The following ERMP1 variants were observed in gnomAD, a reference collection of about 807,000 sequenced individuals.
The protein encoded by ERMP1 is Felix-ina.
A neutral mutation model predicts 92.0 loss-of-function variants in ERMP1; 86 were observed. That is an observed-to-expected ratio of 0.93 (90% CI 0.79 to 1.12). The LOEUF (loss-of-function observed/expected upper bound fraction) is 1.12, where lower values mean the gene tolerates loss of function less well. Ranked by LOEUF, ERMP1 falls within the 50% of genes most tolerant of loss-of-function variation. ERMP1 has a pLI of 0.00. For missense variants in ERMP1, 1,342 were observed against 1,116.3 expected, an observed-to-expected ratio of 1.20 and a Z score of -2.88; for synonymous variants, 530 against 412.8, an observed-to-expected ratio of 1.28 and a Z score of -3.44.
intron 4 of ERMP1, among the ~76,000 whole-genome samples, chr9:5,820,878 C>T (rs7861988): frequency 0.59 from 90,246 of 152,028 alleles, 27,341 homozygotes; most frequent in Non-Finnish European, 0.64. Context: ...ACAAGAAGCG[C>T]AGTCTTTTGT....
chr9:5,796,736 T>G (rs914553519), intron 13 of ERMP1, among the ~76,000 whole-genome samples: 32 of 152,040 alleles, frequency 2.1e-4, no homozygotes, highest in African/African-American at 4.6e-4. Flanking sequence ...AAAAGAGAGA[T>G]AAATAGGTGA....
At chr9:5,833,140 A>G (rs1250340473), upstream of ERMP1, 24 of 986,132 alleles carry the variant, frequency 2.4e-5, no homozygotes, top group Non-Finnish European at 2.1e-5. Flanking sequence ...GAAACTGCAG[A>G]GGGCCAAACT....
intron 6 of ERMP1, among the ~76,000 whole-genome samples, chr9:5,855,182 G>C (rs1020296438): frequency 3.3e-5 from 5 of 152,090 alleles, no homozygotes; most frequent in African/African-American, 1.2e-4. Context: ...AAAATATATA[G>C]TCTAAAAAAA....
chr9:5,857,460 T>C (rs141465075), intron 6 of ERMP1, among the ~76,000 whole-genome samples: 1 of 152,344 alleles, frequency 6.6e-6, no homozygotes, highest in East Asian at 1.9e-4. Flanking sequence ...AAAAGTGCCA[T>C]GAAAATTGAT....
chr9:5,793,250 C>T (rs577646149), intron 13 of ERMP1, among the ~76,000 whole-genome samples: 1 of 150,616 alleles, frequency 6.6e-6, no homozygotes, highest in African/African-American at 2.4e-5. Context: ...CTGCAAACGA[C>T]AGGGCAGCCA....
chr9:5,825,084 A>T lies in ERMP1; in HGVS notation c.768+8T>A. The T allele has an allele frequency of 6.2e-7, 1 of 1,613,362 alleles. No homozygotes were observed. The highest frequency in any genetic ancestry group is 8.5e-7 in the Non-Finnish European group (1 of 1,179,406). On this transcript the variant is annotated splice_region_variant and intron_variant, in intron 3 of 14. Coordinates refer to ENST00000339450, the MANE Select transcript of ERMP1 (RefSeq NM_024896.3). ...TCAAGCCTGATATTTAAAACAGTAA[A>T]ATCTCACTTGCAAGACATTTTCCTC...
intron 10 of ERMP1, 69 bp downstream of exon 10, chr9:5,804,958 A>T (rs999899417): frequency 9.8e-6 from 12 of 1,225,556 alleles, no homozygotes; most frequent in Non-Finnish European, 1.4e-5. Context: ...TATTTCACAG[A>T]ATCTAGTATG....
At chr9:5,791,125 G>A (rs912563546) in intron 13 of ERMP1, 6 of 425,372 alleles carry the variant, frequency 1.4e-5, no homozygotes, top group South Asian at 5.0e-5. Flanking sequence ...CAGTTGAAGT[G>A]AACTTCCTAT....
intron 6 of ERMP1, among the ~76,000 whole-genome samples, chr9:5,841,692 G>T (rs375898426): frequency 6.6e-6 from 1 of 152,192 alleles, no homozygotes. Flanking sequence ...TCAGGAGGCT[G>T]AGGCACAAGA....
chr9:5,846,026 G>A (rs1830230187), intron 6 of ERMP1, among the ~76,000 whole-genome samples: 1 of 152,202 alleles, frequency 6.6e-6, no homozygotes, highest in Non-Finnish European at 1.5e-5. Context: ...GTGCTTAGGT[G>A]CTACCTGGGG....
chr9:5,863,089 T>A (rs1830551025), intron 5 of ERMP1, among the ~76,000 whole-genome samples: 1 of 152,200 alleles, frequency 6.6e-6, no homozygotes, highest in South Asian at 2.1e-4. Flanking sequence ...TAGTATCCAA[T>A]AATTACAGCA....
chr9:5,787,685 G>A (rs1828002188), intron 13 of ERMP1, 92 bp from the exon 14 acceptor site: 2 of 1,293,958 alleles, frequency 1.5e-6, no homozygotes, highest in South Asian at 1.4e-5. Context: ...AAAGGTTCAT[G>A]CCTGCATGAC....
At chr9:5,791,605 CTTT>C (rs978046844) in intron 13 of ERMP1, among the ~76,000 whole-genome samples, 3 of 150,430 alleles carry the variant, frequency 2.0e-5, no homozygotes, top group African/African-American at 7.5e-5. Flanking sequence ...GGTTTGCTCA[CTTT>C]TTAAAACACC....
At chr9:5,864,475 C>T (rs1412024234) in intron 5 of ERMP1, among the ~76,000 whole-genome samples, 2 of 152,198 alleles carry the variant, frequency 1.3e-5, no homozygotes, top group Non-Finnish European at 2.9e-5. Context: ...ATTAATAGCA[C>T]TTTTGTTGAG....
intron 2 of ERMP1, among the ~76,000 whole-genome samples, chr9:5,828,748 G>A (rs1248121257): frequency 6.6e-6 from 1 of 151,984 alleles, no homozygotes; most frequent in Non-Finnish European, 1.5e-5. Flanking sequence ...TTGTTACAGG[G>A]GTCCACTCAG....
chr9:5,845,323 G>C (rs560211208), intron 6 of ERMP1, among the ~76,000 whole-genome samples: 2 of 152,080 alleles, frequency 1.3e-5, no homozygotes, highest in African/African-American at 4.8e-5. Flanking sequence ...AGCTACTTGG[G>C]AGGCCAAGGC....
At chr9:5,862,243 G>A (rs888797129) in intron 5 of ERMP1, among the ~76,000 whole-genome samples, 1 of 151,040 alleles carries the variant, frequency 6.6e-6, no homozygotes, top group South Asian at 2.1e-4. Flanking sequence ...TGTTGTCCAG[G>A]CTGGTCTTGA....
intron 4 of ERMP1, among the ~76,000 whole-genome samples, chr9:5,814,353 G>A (rs966718895): frequency 6.6e-6 from 1 of 152,086 alleles, no homozygotes; most frequent in Non-Finnish European, 1.5e-5. Flanking sequence ...GCAACATATT[G>A]ACTGATGTAA....
intron 6 of ERMP1, among the ~76,000 whole-genome samples, chr9:5,841,047 C>T (rs1189452778): frequency 2.0e-5 from 3 of 152,220 alleles, no homozygotes; most frequent in Non-Finnish European, 4.4e-5. Context: ...TCTGCTCTCC[C>T]TACCCGTAGG....
Sources: allele counts gnomAD v4.1 joint callset (sites outside exome capture counted in the v4.1 genomes callset), GRCh38; gene constraint gnomAD v4.1.1; transcripts MANE v1.5; gene names NCBI Gene and HGNC (gene_info 2026-07-23, HGNC 2026-07-21).